The following SEC24A variants were observed in gnomAD, a reference collection of about 807,000 sequenced individuals.
The protein encoded by SEC24A is SEC24 homolog A, COPII component.
SEC24A carries 93 observed loss-of-function variants against 129.4 expected under a neutral mutation model. The ratio of observed to expected loss-of-function variants is 0.72; its 90% confidence interval spans 0.61 to 0.85. The LOEUF is 0.85. Among genes scored for constraint, SEC24A ranks in the 40% least tolerant of loss-of-function variants. The pLI, the probability that SEC24A is intolerant of heterozygous loss-of-function variation, is 0.00. For synonymous variants in SEC24A, 460 were observed against 467.3 expected, an observed-to-expected ratio of 0.98 and a Z score of 0.20; for missense variants, 1,264 against 1,307.4, an observed-to-expected ratio of 0.97 and a Z score of 0.51.
Position 134,692,608 on chromosome 5 carries a change from T to C in SEC24A, c.1730T>C (p.Phe577Ser). ...TATGTATTTCTTCTTTCAGATGTTT[T>C]TATACCTATGCCAGAGAACTTATTA... Reference protein sequence around the residue: ...MLIVSDIEDVFIPMPENLLVN... With the variant: ...MLIVSDIEDVSIPMPENLLVN... Residue 577 changes from phenylalanine (F) to serine (S), a missense_variant, in exon 12 of 23, where the codon TTT becomes TCT. By Grantham distance (155) the Phe-to-Ser change is radical. Coordinates refer to ENST00000398844, the MANE Select transcript of SEC24A (RefSeq NM_021982.3). The C allele has an allele frequency of 7.3e-7, 1 of 1,360,846 alleles. No homozygotes were observed. Among genetic ancestry groups the C allele is most frequent in the Non-Finnish European group, 1.0e-6 (1 of 960,536 alleles). The allele number at this position is 1,360,846 out of a possible 1,614,324, so 84.3% of individuals were successfully genotyped here.
At chr5:134,724,392 C>T (rs1048955102) in intron 22 of SEC24A, among the ~76,000 whole-genome samples, 6 of 152,076 alleles carry the variant, frequency 3.9e-5, no homozygotes, top group Non-Finnish European at 8.8e-5. Flanking sequence ...AGTTCGAGAC[C>T]AGCCTGACCA....
chr5:134,671,914 A>T, intron 4 of SEC24A, 28 bp downstream of exon 4: 1 of 1,316,364 alleles, frequency 7.6e-7, no homozygotes, highest in Non-Finnish European at 1.1e-6. Context: ...TTTTTTTTTT[A>T]ATCTCTTTTT....
chr5:134,661,574 T>C lies in SEC24A; in HGVS notation c.553T>C (p.Phe185Leu). 6.2e-7 allele frequency: 1 copy of C among 1,610,354 alleles called. No homozygotes were observed. Among genetic ancestry groups the C allele is most frequent in the South Asian group, 1.1e-5 (1 of 90,962 alleles). Reference sequence around the variant, plus strand: ...TGGATATCCTTCACTTCAAAATAGCTTCATAAAGTCAGGTAGTATTCTTAT... The same window carrying C: ...TGGATATCCTTCACTTCAAAATAGCCTCATAAAGTCAGGTAGTATTCTTAT... ...SSGYPSLQNSFIKSGPSVPPL... is the reference protein window; with the variant it reads ...SSGYPSLQNSLIKSGPSVPPL... The change falls in exon 2 of 23, where the codon TTC (phenylalanine) becomes CTC (leucine). Residue 185 changes from phenylalanine (F) to leucine (L), a missense_variant. Physicochemically the swap from Phe to Leu is conservative, Grantham distance 22 (BLOSUM62 0). Transcript: ENST00000398844.
intron 19 of SEC24A, among the ~76,000 whole-genome samples, chr5:134,717,376 G>A (rs1036268326): frequency 4.0e-5 from 6 of 151,664 alleles, no homozygotes; most frequent in Non-Finnish European, 7.4e-5. Flanking sequence ...GCATGGTGGC[G>A]CATGCCTGTA....
At chr5:134,656,466 T>C (rs1750248689) in intron 1 of SEC24A, among the ~76,000 whole-genome samples, 1 of 151,760 alleles carries the variant, frequency 6.6e-6, no homozygotes, top group Non-Finnish European at 1.5e-5. Flanking sequence ...CTTCGATCTC[T>C]CTTCCCTTTG....
chr5:134,703,988 A>C (rs918489925), intron 16 of SEC24A, 56 bp downstream of exon 16: 2 of 1,193,556 alleles, frequency 1.7e-6, no homozygotes, highest in Non-Finnish European at 2.4e-6. Context: ...CTGGATTTCA[A>C]ATGTCAAAAT....
intron 21 of SEC24A, among the ~76,000 whole-genome samples, chr5:134,722,943 C>G (rs1215587363): frequency 6.6e-6 from 1 of 151,728 alleles, no homozygotes; most frequent in Non-Finnish European, 1.5e-5. Flanking sequence ...TGCTTAAGCC[C>G]AGGAGTTCAA....
At chr5:134,681,373 C>G (rs1751264045) in intron 8 of SEC24A, among the ~76,000 whole-genome samples, 1 of 151,928 alleles carries the variant, frequency 6.6e-6, no homozygotes, top group Non-Finnish European at 1.5e-5. Flanking sequence ...GCACTCCAGC[C>G]TTGGCAACAA....
chr5:134,718,167 A>G lies in SEC24A; in HGVS notation c.2964A>G (p.Ala988=). ...GAGATGGAGCTTTCCTCATGGATGC[A>G]GGCTCTGTAAGTAATTTGACTTATC... ...LSRDGAFLMD[A]GSVLMLWVGK... is the part of the protein sequence containing the mutation. The change falls in exon 20 of 23, where the codon GCA becomes GCG. Residue 988 remains alanine, a synonymous_variant. Transcript: ENST00000398844. 1 of 1,610,640 alleles carries G rather than the reference A, an allele frequency of 6.2e-7. No homozygotes were observed. Among genetic ancestry groups the G allele is most frequent in the Non-Finnish European group, 8.5e-7 (1 of 1,176,808 alleles).
chr5:134,673,124 T>G (rs1750930045), intron 4 of SEC24A, among the ~76,000 whole-genome samples: 1 of 151,070 alleles, frequency 6.6e-6, no homozygotes, highest in South Asian at 2.1e-4. Context: ...TGTGTGATCT[T>G]GGCTCACTGC....
chr5:134,711,723 G>T (rs1391552660), intron 18 of SEC24A, among the ~76,000 whole-genome samples: 1 of 150,824 alleles, frequency 6.6e-6, no homozygotes, highest in African/African-American at 2.4e-5. Context: ...TAGAGACGGG[G>T]TTTCACCATG....
At chr5:134,676,543 G>C (rs1391694993) in intron 7 of SEC24A, among the ~76,000 whole-genome samples, 1 of 148,996 alleles carries the variant, frequency 6.7e-6, no homozygotes, top group Non-Finnish European at 1.5e-5. Context: ...TCCCAGGTTC[G>C]GGCAATTCTC....
At chr5:134,662,438 G>A (rs1439800013) in intron 2 of SEC24A, among the ~76,000 whole-genome samples, 1 of 152,186 alleles carries the variant, frequency 6.6e-6, no homozygotes, top group Non-Finnish European at 1.5e-5. Flanking sequence ...ACAGGTGTGA[G>A]CCAATATTTC....
intron 12 of SEC24A, 99 bp from the exon 13 acceptor site, chr5:134,693,628 C>T: frequency 2.0e-6 from 3 of 1,481,952 alleles, no homozygotes; most frequent in Non-Finnish European, 2.7e-6. Flanking sequence ...CTCTGACCAT[C>T]ATCATGACTC....
At chr5:134,677,427 A>C (rs1751103247) in intron 7 of SEC24A, among the ~76,000 whole-genome samples, 1 of 151,358 alleles carries the variant, frequency 6.6e-6, no homozygotes, top group Non-Finnish European at 1.5e-5. Flanking sequence ...TTTTGGTGAT[A>C]GGATTTTTTT....
At chr5:134,689,325 A>G (rs193292092) in intron 11 of SEC24A, among the ~76,000 whole-genome samples, 1 of 152,328 alleles carries the variant, frequency 6.6e-6, no homozygotes, top group East Asian at 1.9e-4. Flanking sequence ...CGTTCAATAT[A>G]TACTCCAAAA....
chr5:134,701,794 C>T (rs1752016352), intron 15 of SEC24A, among the ~76,000 whole-genome samples: 1 of 152,116 alleles, frequency 6.6e-6, no homozygotes, highest in Non-Finnish European at 1.5e-5. Context: ...CAGGTGTGAG[C>T]CACTGCAGCC....
At chr5:134,708,545 A>C (rs1752230256) in intron 17 of SEC24A, among the ~76,000 whole-genome samples, 168 bp from the exon 18 acceptor site, 1 of 151,398 alleles carries the variant, frequency 6.6e-6, no homozygotes, top group South Asian at 2.1e-4. Context: ...AGGTTGGCTC[A>C]GTTCTCCAGA....
chr5:134,691,129 A>T (rs1052092845), intron 11 of SEC24A, among the ~76,000 whole-genome samples: 1 of 149,894 alleles, frequency 6.7e-6, no homozygotes, highest in Non-Finnish European at 1.5e-5. Context: ...CTGGGATTAT[A>T]GCAGGCATGA....
Sources: allele counts gnomAD v4.1 joint callset (sites outside exome capture counted in the v4.1 genomes callset), GRCh38; gene constraint gnomAD v4.1.1; transcripts MANE v1.5; gene names NCBI Gene and HGNC (gene_info 2026-07-23, HGNC 2026-07-21).